Variants in TMEM182 observed in about 807,000 individuals in gnomAD.
TMEM182 encodes transmembrane protein 182.
Under a neutral mutation model 26.8 loss-of-function variants are expected in TMEM182, and 20 were observed. The observed-to-expected ratio is 0.75, with a 90% CI of 0.53 to 1.09. The LOEUF (loss-of-function observed/expected upper bound fraction) is 1.09, where lower values mean the gene tolerates loss of function less well. TMEM182 is among the 50% of genes least tolerant of loss of function. The pLI, the probability that TMEM182 is intolerant of heterozygous loss-of-function variation, is 0.00. For missense variants in TMEM182, 277 were observed against 275.5 expected, an observed-to-expected ratio of 1.01 and a Z score of -0.04; for synonymous variants, 109 against 102.2, an observed-to-expected ratio of 1.07 and a Z score of -0.40.
chr2:102,744,009 C>T (rs1226422018), intron 1 of TMEM182, among the ~76,000 whole-genome samples: 1 of 152,130 alleles, frequency 6.6e-6, no homozygotes, highest in Non-Finnish European at 1.5e-5. Context: ...CAGTTGCAGA[C>T]TTTAACACCT....
At chr2:102,787,137 C>T (rs939271670) in intron 3 of TMEM182, among the ~76,000 whole-genome samples, 8 of 152,180 alleles carry the variant, frequency 5.3e-5, no homozygotes, top group East Asian at 1.9e-4. Flanking sequence ...TAACTCTCTC[C>T]GTGATGTCCC....
Position 102,776,948 on chromosome 2 carries a change from T to C in TMEM182, c.331+12521T>C, listed in dbSNP as rs540624092. On this transcript the variant is annotated intron_variant, in intron 3 of 4. Coordinates refer to ENST00000412401, the MANE Select transcript of TMEM182 (RefSeq NM_144632.5). ...GCTTATTTACTATCTGTATTTCTTC[T>C]TTTGTGAGGCTTCTGTTAAATTCTC... Among the ~76,000 whole-genome samples, 4 of 152,292 alleles carry C rather than the reference T, an allele frequency of 2.6e-5. No homozygotes were observed. The South Asian group carries it at 8.3e-4, about 32-fold the overall frequency.
chr2:102,770,452 C>A (rs1428227279), intron 3 of TMEM182, among the ~76,000 whole-genome samples: 1 of 152,208 alleles, frequency 6.6e-6, no homozygotes, highest in African/African-American at 2.4e-5. Flanking sequence ...ACTGCTCATT[C>A]TCTTAGACAG....
chr2:102,797,031 G>T (rs1353014541), intron 3 of TMEM182, among the ~76,000 whole-genome samples: 1 of 152,002 alleles, frequency 6.6e-6, no homozygotes, highest in Non-Finnish European at 1.5e-5. Flanking sequence ...GGTTAAGATT[G>T]GTAATTATCC....
At chr2:102,769,426 AC>A (rs1680588149) in intron 3 of TMEM182, among the ~76,000 whole-genome samples, 1 of 152,228 alleles carries the variant, frequency 6.6e-6, no homozygotes, top group Non-Finnish European at 1.5e-5. Context: ...AGTTTAAATA[AC>A]ATACAGTAAA....
chr2:102,832,170 G>A (rs1385643009), intron 3 of TMEM182, among the ~76,000 whole-genome samples: 1 of 152,102 alleles, frequency 6.6e-6, no homozygotes, highest in Admixed American at 6.5e-5. Flanking sequence ...ATGCCATTTT[G>A]TTCAGAATTC....
chr2:102,748,069 C>T (rs560961007), intron 1 of TMEM182, among the ~76,000 whole-genome samples: 14 of 152,276 alleles, frequency 9.2e-5, no homozygotes, highest in African/African-American at 2.2e-4. Flanking sequence ...TCGTAGCTCT[C>T]GTATCTTCAA....
intron 1 of TMEM182, among the ~76,000 whole-genome samples, chr2:102,746,523 T>C (rs1398217561): frequency 6.6e-6 from 1 of 152,156 alleles, no homozygotes; most frequent in Non-Finnish European, 1.5e-5. Context: ...AATGAAGATT[T>C]GTTTGTAATT....
intron 3 of TMEM182, among the ~76,000 whole-genome samples, chr2:102,830,101 C>A (rs960397234): frequency 6.6e-6 from 1 of 152,210 alleles, no homozygotes; most frequent in African/African-American, 2.4e-5. Flanking sequence ...ATGTCTTCTG[C>A]AGTCTATGTG....
Position 102,815,213 on chromosome 2 carries a change from C to T in TMEM182, c.*245C>T. On this transcript the variant is annotated 3_prime_UTR_variant, in exon 5 of 5. Transcript: ENST00000412401. ...TTCTTTAGGGAATAGGTAAACAGGT[C>T]TCCCTTTCATTGAACATGTTAGAGT... 3 of 1,299,796 alleles carry T rather than the reference C, an allele frequency of 2.3e-6. No individual in the cohort carries two copies. In the South Asian group the frequency reaches 5.4e-5, roughly 23 times the overall value. The allele number at this position is 1,299,796 out of a possible 1,614,324, so 80.5% of individuals were successfully genotyped here.
At chr2:102,753,283 CTT>C (rs1380804102) in intron 1 of TMEM182, among the ~76,000 whole-genome samples, 2 of 152,026 alleles carry the variant, frequency 1.3e-5, no homozygotes, top group Non-Finnish European at 2.9e-5. Flanking sequence ...ATAGCAAACC[CTT>C]TTGCAGAGGG....
intron 1 of TMEM182, among the ~76,000 whole-genome samples, chr2:102,744,237 A>G (rs2104630417): frequency 6.6e-6 from 1 of 152,320 alleles, no homozygotes; most frequent in Middle Eastern, 3.4e-3. Flanking sequence ...GAAACTAGCA[A>G]TCAGTAACAG....
intron 1 of TMEM182, among the ~76,000 whole-genome samples, chr2:102,746,147 A>G (rs1262378671): frequency 6.6e-6 from 1 of 152,200 alleles, no homozygotes; most frequent in Non-Finnish European, 1.5e-5. Context: ...GATGCGAGGT[A>G]GTATCTCACT....
chr2:102,746,654 C>T (rs926450934), intron 1 of TMEM182, among the ~76,000 whole-genome samples: 14 of 152,192 alleles, frequency 9.2e-5, no homozygotes, highest in Admixed American at 4.6e-4. Flanking sequence ...AGTGCAATGG[C>T]GCGATCGTGG....
intron 4 of TMEM182, among the ~76,000 whole-genome samples, chr2:102,803,934 T>TCTA (rs1055679762): frequency 2.0e-5 from 3 of 151,842 alleles, no homozygotes; most frequent in Admixed American, 1.3e-4. Flanking sequence ...AGCTCTGCCG[T>TCTA]CTACACCTGC....
At chr2:102,793,366 T>A (rs964039651) in intron 3 of TMEM182, among the ~76,000 whole-genome samples, 1 of 152,166 alleles carries the variant, frequency 6.6e-6, no homozygotes, top group African/African-American at 2.4e-5. Context: ...AGAGATGGTA[T>A]GAGAACTTCG....
At chr2:102,819,506 A>C (rs1452040614), downstream of TMEM182, among the ~76,000 whole-genome samples, 1 of 152,196 alleles carries the variant, frequency 6.6e-6, no homozygotes, top group Non-Finnish European at 1.5e-5. Context: ...CTAGGCATGT[A>C]TATGTATATA....
chr2:102,799,195 G>C (rs1350153250), intron 4 of TMEM182, among the ~76,000 whole-genome samples: 1 of 152,230 alleles, frequency 6.6e-6, no homozygotes, highest in East Asian at 1.9e-4. Context: ...AGGTGACACT[G>C]TAGTGACAGT....
At chr2:102,819,716 A>G (rs1429155109), downstream of TMEM182, among the ~76,000 whole-genome samples, 1 of 152,220 alleles carries the variant, frequency 6.6e-6, no homozygotes, top group Non-Finnish European at 1.5e-5. Flanking sequence ...CTTACATTAT[A>G]TTATATGTGC....
Sources: allele counts gnomAD v4.1 joint callset (sites outside exome capture counted in the v4.1 genomes callset), GRCh38; gene constraint gnomAD v4.1.1; transcripts MANE v1.5; gene names NCBI Gene and HGNC (gene_info 2026-07-23, HGNC 2026-07-21).